Variants in COL14A1 observed in about 807,000 individuals in gnomAD.
COL14A1 encodes the protein collagen alpha-1(XIV) chain.
Under a neutral mutation model 230.3 loss-of-function variants are expected in COL14A1, and 136 were observed. The ratio of observed to expected loss-of-function variants is 0.59; its 90% confidence interval spans 0.51 to 0.68. The LOEUF is 0.68. Ranked by LOEUF, COL14A1 falls within the 30% of genes least tolerant of loss-of-function variation. The pLI is 0.00. For missense variants in COL14A1, 1,976 were observed against 2,215.8 expected (o/e 0.89, Z 2.17); for synonymous variants, 792 against 784.1 (o/e 1.01, Z -0.17).
chr8:120,222,997 C>T (rs1817980191), intron 14 of COL14A1, among the ~76,000 whole-genome samples: 1 of 152,108 alleles, frequency 6.6e-6, no homozygotes, highest in South Asian at 2.1e-4. Flanking sequence ...TAAGCATAGT[C>T]ATGATAGAGG....
chr8:120,193,474 G>A lies in COL14A1; in HGVS notation c.437-3317G>A, dbSNP rs184342277. Reference sequence around the variant, plus strand: ...TGCCCCTACTGGGCGGTGCCTCCCAGTTAGGCTGCTTGGGGGTCAGCGGTC... The same window carrying A: ...TGCCCCTACTGGGCGGTGCCTCCCAATTAGGCTGCTTGGGGGTCAGCGGTC... On this transcript the variant is annotated intron_variant, in intron 5 of 47. Transcript: ENST00000297848. Among the ~76,000 whole-genome samples the A allele has an allele frequency of 6.5e-3, 995 of 152,342 alleles. 6 individuals carry two copies. Among genetic ancestry groups the A allele is most frequent in the Non-Finnish European group, 0.01 (714 of 68,036 alleles).
At chr8:120,258,352 C>T (rs1297050593) in intron 23 of COL14A1, among the ~76,000 whole-genome samples, 1 of 152,160 alleles carries the variant, frequency 6.6e-6, no homozygotes, top group Non-Finnish European at 1.5e-5. Flanking sequence ...ATAGTTCCAA[C>T]AGAAGTCCAG....
chr8:120,217,905 A>T (rs1398571189), intron 14 of COL14A1, among the ~76,000 whole-genome samples: 1 of 149,382 alleles, frequency 6.7e-6, no homozygotes, highest in Non-Finnish European at 1.5e-5. Flanking sequence ...CCTGCAAAGA[A>T]ATACTCTATG....
intron 35 of COL14A1, among the ~76,000 whole-genome samples, chr8:120,299,134 T>C (rs752400463): frequency 3.3e-5 from 5 of 151,998 alleles, no homozygotes; most frequent in Non-Finnish European, 5.9e-5. Context: ...GTTACTCCAC[T>C]GGGTCCTGCC....
chr8:120,261,475 G>A (rs1368866571), intron 23 of COL14A1, among the ~76,000 whole-genome samples: 1 of 152,046 alleles, frequency 6.6e-6, no homozygotes, highest in African/African-American at 2.4e-5. Context: ...CACAGAACCT[G>A]GATATAATAA....
intron 45 of COL14A1, among the ~76,000 whole-genome samples, chr8:120,360,903 A>G (rs921972823): frequency 1.3e-5 from 2 of 152,058 alleles, no homozygotes; most frequent in African/African-American, 4.8e-5. Flanking sequence ...GAAAGCATTG[A>G]GGAAGATTGG....
chr8:120,211,921 G>T (rs906059034), intron 12 of COL14A1, among the ~76,000 whole-genome samples: 1 of 152,210 alleles, frequency 6.6e-6, no homozygotes, highest in Non-Finnish European at 1.5e-5. Flanking sequence ...GATCTCTTCT[G>T]AATACTGGAA....
intron 10 of COL14A1, among the ~76,000 whole-genome samples, 178 bp downstream of exon 10, chr8:120,207,272 A>G (rs897581737): frequency 4.6e-5 from 7 of 152,206 alleles, no homozygotes; most frequent in Admixed American, 1.3e-4. Flanking sequence ...AGTTATGGCA[A>G]TTACATCTTT....
intron 5 of COL14A1, among the ~76,000 whole-genome samples, chr8:120,170,436 C>T (rs1432779656): frequency 6.6e-6 from 1 of 151,986 alleles, no homozygotes. Flanking sequence ...AATTTCTAAA[C>T]ATCTGGAGAT....
chr8:120,158,371 T>G, intron 3 of COL14A1, 125 bp downstream of exon 3: 1 of 680,534 alleles, frequency 1.5e-6, no homozygotes, highest in South Asian at 1.7e-5. Context: ...TAATCTTCAG[T>G]GTTTAAAATC....
chr8:120,342,391 G>A lies in COL14A1; in HGVS notation c.4833G>A (p.Gln1611=). 3.7e-6 allele frequency: 6 copies of A among 1,613,982 alleles called. No individual in the cohort carries two copies. Among genetic ancestry groups the A allele is most frequent in the Non-Finnish European group, 5.1e-6 (6 of 1,179,886 alleles). The change falls in exon 44 of 48, where the codon CAG becomes CAA. Residue 1611 remains glutamine, a synonymous_variant. Coordinates refer to ENST00000297848, the MANE Select transcript of COL14A1 (RefSeq NM_021110.4). ...TTTTTCTCATCCAGGGTGACCTGCAGTCTCAAGCCATGGTGAGATCAGTGG... is the reference window on the plus strand; with the variant it reads ...TTTTTCTCATCCAGGGTGACCTGCAATCTCAAGCCATGGTGAGATCAGTGG... The part of the protein sequence containing the change: ...KGERGERGDL[Q]SQAMVRSVAR...
chr8:120,235,595 G>A (rs907665396), intron 19 of COL14A1, among the ~76,000 whole-genome samples: 1 of 152,030 alleles, frequency 6.6e-6, no homozygotes, highest in Middle Eastern at 3.4e-3. Flanking sequence ...TTTTTGAAGG[G>A]CTTTTCGTGT....
intron 5 of COL14A1, among the ~76,000 whole-genome samples, chr8:120,178,562 A>G (rs564979019): frequency 1.9e-3 from 295 of 152,254 alleles, no homozygotes; most frequent in Non-Finnish European, 3.6e-3. Context: ...TTTATAGTGG[A>G]ATGATTTATA....
intron 17 of COL14A1, 77 bp downstream of exon 17, chr8:120,227,429 C>T: frequency 6.4e-7 from 1 of 1,555,734 alleles, no homozygotes; most frequent in Non-Finnish European, 8.8e-7. Flanking sequence ...CCTTCCCCAT[C>T]TGCTTTATCT....
intron 19 of COL14A1, among the ~76,000 whole-genome samples, chr8:120,238,878 G>A (rs185910756): frequency 1.1e-4 from 17 of 152,236 alleles, no homozygotes; most frequent in Admixed American, 2.6e-4. Flanking sequence ...CCAACTCTTT[G>A]TGCTTCCTGG....
At chr8:120,362,783 AAGAG>A (rs1162884315) in intron 45 of COL14A1, among the ~76,000 whole-genome samples, 1 of 152,154 alleles carries the variant, frequency 6.6e-6, no homozygotes, top group Non-Finnish European at 1.5e-5. Context: ...TCATTAGAAA[AAGAG>A]AGAGAGAAGG....
At chr8:120,208,843 A>G (rs1817530813) in intron 11 of COL14A1, among the ~76,000 whole-genome samples, 1 of 152,188 alleles carries the variant, frequency 6.6e-6, no homozygotes, top group Non-Finnish European at 1.5e-5. Context: ...ATAACACACC[A>G]TGACAACATA....
At chr8:120,236,952 C>A (rs541101273) in intron 19 of COL14A1, among the ~76,000 whole-genome samples, 1 of 152,318 alleles carries the variant, frequency 6.6e-6, no homozygotes, top group East Asian at 1.9e-4. Flanking sequence ...GGCCCCCACG[C>A]TCTTCTGGCT....
chr8:120,161,945 G>A (rs1033353210), intron 3 of COL14A1, among the ~76,000 whole-genome samples: 2 of 152,170 alleles, frequency 1.3e-5, no homozygotes, highest in Non-Finnish European at 2.9e-5. Context: ...GATTACAGGC[G>A]TGAGCCTCCT....
Sources: gnomAD v4.1 joint callset for allele counts (sites outside exome capture counted in the v4.1 genomes callset) on GRCh38, gnomAD v4.1.1 for gene constraint, MANE v1.5 for transcripts, NCBI Gene and HGNC (gene_info 2026-07-23, HGNC 2026-07-21) for gene names.